UBE3D: variants seen among roughly 807,000 people sequenced by gnomAD.
UBE3D encodes E3 ubiquitin-protein ligase E3D.
UBE3D carries 48 observed loss-of-function variants against 49.6 expected under a neutral mutation model. That is an observed-to-expected ratio of 0.97 (90% CI 0.77 to 1.23). The LOEUF is 1.23. Among genes scored for constraint, UBE3D ranks in the 50% most tolerant of loss-of-function variants. The probability of loss-of-function intolerance (pLI) is 0.00; values close to 1 mark genes in which losing one functional copy is unlikely to be tolerated. For missense variants in UBE3D, 452 were observed against 468.4 expected (o/e 0.96, Z 0.32); for synonymous variants, 189 against 174.2 (o/e 1.08, Z -0.67).
chr6:83,012,069 G>C (rs920749709), intron 8 of UBE3D, among the ~76,000 whole-genome samples: 1 of 152,170 alleles, frequency 6.6e-6, no homozygotes, highest in African/African-American at 2.4e-5. Flanking sequence ...AACACAGTAA[G>C]ATCAGTGAGT....
At chr6:82,886,906 C>T in the UBE3D span, among the ~76,000 whole-genome samples, 4 of 152,046 alleles carry the variant, frequency 2.6e-5, no homozygotes, top group African/African-American at 9.7e-5. Flanking sequence ...CATTATGAAC[C>T]TTATTTCAAG....
chr6:83,008,027 T>A (rs754133295), intron 8 of UBE3D, among the ~76,000 whole-genome samples: 3 of 152,182 alleles, frequency 2.0e-5, no homozygotes, highest in Non-Finnish European at 4.4e-5. Context: ...TAAATACAAT[T>A]TCAAGAAAAT....
intron 2 of UBE3D, among the ~76,000 whole-genome samples, chr6:83,057,135 G>A (rs1052947709): frequency 2.0e-5 from 3 of 152,090 alleles, no homozygotes; most frequent in Non-Finnish European, 2.9e-5. Context: ...AGGACCTTTT[G>A]TGTACTGTTT....
At chr6:82,957,563 T>C (rs1776253371) in intron 8 of UBE3D, 113 bp from the exon 9 acceptor site, 1 of 1,231,074 alleles carries the variant, frequency 8.1e-7, no homozygotes, top group Non-Finnish European at 1.1e-6. Context: ...GTACAAAAAC[T>C]AGAAATAAAC....
chr6:83,011,316 C>T (rs529978469), intron 8 of UBE3D, among the ~76,000 whole-genome samples: 3 of 152,220 alleles, frequency 2.0e-5, no homozygotes, highest in East Asian at 1.9e-4. Flanking sequence ...GTCACCTGGT[C>T]GTAGCTGGTA....
chr6:82,988,402 A>G (rs926885997), intron 8 of UBE3D, among the ~76,000 whole-genome samples: 5 of 152,180 alleles, frequency 3.3e-5, no homozygotes, highest in Admixed American at 3.3e-4. Context: ...TTCGGTTAGA[A>G]CTTCTAGAAA....
downstream of UBE3D, among the ~76,000 whole-genome samples, chr6:82,891,752 G>A (rs941701608): frequency 2.6e-5 from 4 of 152,184 alleles, no homozygotes; most frequent in Non-Finnish European, 5.9e-5. Context: ...GAGGCCAGGC[G>A]TGGTGACTCA....
intron 8 of UBE3D, among the ~76,000 whole-genome samples, chr6:82,970,902 A>G (rs944343215): frequency 4.6e-5 from 7 of 152,102 alleles, no homozygotes; most frequent in Admixed American, 3.9e-4. Context: ...TCTCTCCTCA[A>G]CAACATTCAT....
chr6:82,929,883 C>A lies in UBE3D; in HGVS notation c.1149+27429G>T, dbSNP rs146718151. ...ACATTTATTACAACTGATGAGCATACACTGACACATCCTTATCACCCAAAG... is the reference window on the plus strand; with the variant it reads ...ACATTTATTACAACTGATGAGCATAAACTGACACATCCTTATCACCCAAAG... On this transcript the variant is annotated intron_variant, in intron 9 of 9. Transcript: ENST00000369747. Among the ~76,000 whole-genome samples the A allele has an allele frequency of 9.5e-4, 145 of 152,266 alleles. 1 individual carries two copies. The highest frequency in any genetic ancestry group is 1.8e-3 in the Admixed American group (27 of 15,300).
intron 8 of UBE3D, among the ~76,000 whole-genome samples, chr6:82,962,364 T>G (rs1253959716): frequency 6.6e-6 from 1 of 152,172 alleles, no homozygotes; most frequent in East Asian, 1.9e-4. Context: ...AAAAATACAT[T>G]GGCACCGCCT....
chr6:82,997,480 G>A (rs953343474), intron 8 of UBE3D, among the ~76,000 whole-genome samples: 3 of 152,196 alleles, frequency 2.0e-5, no homozygotes, highest in African/African-American at 7.2e-5. Flanking sequence ...AGCATTTTGG[G>A]AGGCAGAGGC....
At chr6:82,959,279 C>G (rs1465710206) in intron 8 of UBE3D, among the ~76,000 whole-genome samples, 1 of 151,104 alleles carries the variant, frequency 6.6e-6, no homozygotes, top group East Asian at 2.0e-4. Flanking sequence ...TTGGCCTAAA[C>G]TGACCTGATT....
rs117054253 is a variant in UBE3D, at chr6:82,925,669, T to C, written c.1149+31643A>G. On this transcript the variant is annotated intron_variant, in intron 9 of 9. Coordinates refer to ENST00000369747, the MANE Select transcript of UBE3D (RefSeq NM_198920.3). ...ATGTTGGGCTCTGTTCTTGGCTGCA[T>C]GCTTAACTGCCCAATATCCTTCACT... Among the ~76,000 whole-genome samples, 659 of 152,232 alleles carry C rather than the reference T, an allele frequency of 4.3e-3. 5 individuals carry two copies. The highest frequency in any genetic ancestry group is 0.015 in the African/African-American group (631 of 41,536).
chr6:82,978,220 G>C (rs999121925), intron 8 of UBE3D, among the ~76,000 whole-genome samples: 2 of 152,112 alleles, frequency 1.3e-5, no homozygotes, highest in Non-Finnish European at 2.9e-5. Context: ...TCTAGGGCTG[G>C]AAGTCATCTT....
chr6:82,934,979 G>T, intron 9 of UBE3D, among the ~76,000 whole-genome samples: 1 of 140,568 alleles, frequency 7.1e-6, no homozygotes, highest in African/African-American at 2.6e-5. Context: ...TAAGAGACAA[G>T]GAGAATAGGC....
chr6:83,022,726 A>C (rs1398185245), intron 6 of UBE3D, among the ~76,000 whole-genome samples, 165 bp from the exon 7 acceptor site: 1 of 152,232 alleles, frequency 6.6e-6, no homozygotes, highest in African/African-American at 2.4e-5. Context: ...TGTGGATTTT[A>C]ATATATTTTA....
chr6:83,001,813 A>T (rs1241486640), intron 8 of UBE3D, among the ~76,000 whole-genome samples: 2 of 152,210 alleles, frequency 1.3e-5, no homozygotes, highest in Admixed American at 6.5e-5. Flanking sequence ...ACAATTAGAA[A>T]TTCAGTGTAG....
chr6:82,995,754 G>A (rs2127738169), intron 8 of UBE3D, among the ~76,000 whole-genome samples: 1 of 152,184 alleles, frequency 6.6e-6, no homozygotes, highest in East Asian at 1.9e-4. Context: ...GAGAGAATTG[G>A]ACAGTAGCTC....
At chr6:82,992,259 G>A (rs1197841390) in intron 8 of UBE3D, among the ~76,000 whole-genome samples, 1 of 116,358 alleles carries the variant, frequency 8.6e-6, no homozygotes, top group Non-Finnish European at 1.6e-5. Flanking sequence ...GTCTCGCTCT[G>A]TTGCCCGGGC....
Sources: allele counts gnomAD v4.1 joint callset (sites outside exome capture counted in the v4.1 genomes callset), GRCh38; gene constraint gnomAD v4.1.1; transcripts MANE v1.5; gene names NCBI Gene and HGNC (gene_info 2026-07-23, HGNC 2026-07-21).